Variants in HNRNPC observed in about 807,000 individuals in gnomAD.
HNRNPC encodes heterogeneous nuclear ribonucleoproteins C1/C2.
In HNRNPC, 3 loss-of-function variants were observed where a neutral mutation model predicts 33.2. That is an observed-to-expected ratio of 0.09 (90% confidence interval 0.04 to 0.23). The LOEUF is 0.23. Among genes scored for constraint, HNRNPC ranks in the 10% least tolerant of loss-of-function variants. HNRNPC has a pLI of 1.00. For synonymous variants in HNRNPC, 121 were observed against 126.7 expected (o/e 0.96, Z 0.30); for missense variants, 143 against 366.7 (o/e 0.39, Z 4.98).
chr14:21,249,066 ATGGGG>A (rs1253351466), intron 2 of HNRNPC, among the ~76,000 whole-genome samples: 2 of 152,224 alleles, frequency 1.3e-5, no homozygotes, highest in African/African-American at 4.8e-5. Flanking sequence ...TAAGGATGGG[ATGGGG>A]TTTTGAGTTT....
chr14:21,217,065 C>A (rs1015536128), intron 5 of HNRNPC, among the ~76,000 whole-genome samples: 3 of 152,162 alleles, frequency 2.0e-5, no homozygotes, highest in Admixed American at 6.6e-5. Flanking sequence ...GAGTCAAATT[C>A]TCTACTTTTC....
chr14:21,220,273 T>C (rs920539027), intron 5 of HNRNPC, among the ~76,000 whole-genome samples: 2 of 151,436 alleles, frequency 1.3e-5, no homozygotes, highest in African/African-American at 4.8e-5. Context: ...GTTTTGCTCT[T>C]GTTGTCCAAG....
intron 2 of HNRNPC, among the ~76,000 whole-genome samples, chr14:21,248,334 C>A (rs1485035549): frequency 6.6e-6 from 1 of 152,182 alleles, no homozygotes; most frequent in Non-Finnish European, 1.5e-5. Context: ...TGAGCCCCTG[C>A]AACCAGCCTA....
At chr14:21,213,732 A>T (rs1266093726) in intron 5 of HNRNPC, among the ~76,000 whole-genome samples, 2 of 152,194 alleles carry the variant, frequency 1.3e-5, no homozygotes, top group Non-Finnish European at 2.9e-5. Flanking sequence ...AATACTACTG[A>T]TAAAAAATAC....
At chr14:21,227,785 A>G (rs1211938083) in intron 5 of HNRNPC, among the ~76,000 whole-genome samples, 1 of 152,218 alleles carries the variant, frequency 6.6e-6, no homozygotes. Context: ...ACTATTTTCA[A>G]GAAGACTGTC....
intron 6 of HNRNPC, 120 bp downstream of exon 6, chr14:21,212,840 C>G (rs1594191861): frequency 3.1e-6 from 4 of 1,293,390 alleles, no homozygotes. Context: ...ACCACACACC[C>G]AGCCTCTTCC....
chr14:21,246,426 C>T (rs1465346699), intron 2 of HNRNPC, among the ~76,000 whole-genome samples: 2 of 152,000 alleles, frequency 1.3e-5, no homozygotes, highest in East Asian at 1.9e-4. Context: ...ATTAGCCGGG[C>T]GTGTTGGCGG....
chr14:21,233,817 G>T, intron 3 of HNRNPC, 136 bp downstream of exon 3: 1 of 1,064,834 alleles, frequency 9.4e-7, no homozygotes, highest in Non-Finnish European at 1.4e-6. Context: ...TAAGCCTAAT[G>T]TATTTTTATT....
intron 3 of HNRNPC, 68 bp downstream of exon 3, chr14:21,233,885 G>T: frequency 6.4e-7 from 1 of 1,555,468 alleles, no homozygotes; most frequent in Non-Finnish European, 8.7e-7. Flanking sequence ...CAGACATAAA[G>T]ACAAAAAAAA....
intron 2 of HNRNPC, among the ~76,000 whole-genome samples, chr14:21,257,162 A>C (rs535508760): frequency 6.6e-6 from 1 of 152,332 alleles, no homozygotes; most frequent in South Asian, 2.1e-4. Flanking sequence ...TCATGCAGGT[A>C]AACTGAATTG....
intron 2 of HNRNPC, among the ~76,000 whole-genome samples, chr14:21,245,721 A>G (rs1177669732): frequency 6.6e-6 from 1 of 152,124 alleles, no homozygotes; most frequent in African/African-American, 2.4e-5. Context: ...TACTAACCTT[A>G]TTTAGTTTAC....
At chr14:21,220,006 C>T (rs117324837) in intron 5 of HNRNPC, among the ~76,000 whole-genome samples, 82 of 152,278 alleles carry the variant, frequency 5.4e-4, no homozygotes, top group African/African-American at 7.5e-4. Context: ...TTCATCACTC[C>T]CATTGCCATT....
intron 2 of HNRNPC, among the ~76,000 whole-genome samples, chr14:21,255,731 GA>G (rs1212974762): frequency 6.6e-6 from 1 of 152,202 alleles, no homozygotes; most frequent in Admixed American, 6.5e-5. Flanking sequence ...TTCTTGCCCA[GA>G]GGCAATCAAT....
At position 21,210,129 on chromosome 14, in the gene HNRNPC, A is replaced by C. The variant is rs1276693778; in HGVS notation, c.*1094T>G. 6.6e-6 allele frequency: 1 copy of C among 152,174 alleles called. No homozygotes were observed. Among genetic ancestry groups the C allele is most frequent in the African/African-American group, 2.4e-5 (1 of 41,428 alleles). 9.4% of individuals were successfully genotyped at this position (152,174 alleles called of 1,614,324 possible). A position where few individuals can be genotyped will look rare whatever the true frequency, so the allele number is the denominator to read the frequency against. On this transcript the variant is annotated 3_prime_UTR_variant, in exon 9 of 9. Coordinates refer to ENST00000553300, the MANE Select transcript of HNRNPC (RefSeq NM_004500.4). ...TAACTGGGGCTATAAATAGTAATTA[A>C]AAGAACAAAATAGAAGCAGGGGGGT...
chr14:21,261,201 T>C lies in HNRNPC; in HGVS notation c.-37+2110A>G, dbSNP rs375441523. Among the ~76,000 whole-genome samples the C allele has an allele frequency of 2.3e-4, 35 of 152,262 alleles. 3 individuals are homozygous for C. In the South Asian group the frequency reaches 5.4e-3, roughly 23 times the overall value. ...TCATATATGGACATTATTTCATTCATGTGTCTCCCTCACTAAGCTGCGAAG... is the reference window on the plus strand; with the variant it reads ...TCATATATGGACATTATTTCATTCACGTGTCTCCCTCACTAAGCTGCGAAG... On this transcript the variant is annotated intron_variant, in intron 2 of 8. Coordinates refer to ENST00000553300, the MANE Select transcript of HNRNPC (RefSeq NM_004500.4).
intron 2 of HNRNPC, among the ~76,000 whole-genome samples, chr14:21,245,320 A>G (rs1895850408): frequency 6.6e-6 from 1 of 151,648 alleles, no homozygotes. Flanking sequence ...ACATGGAGAA[A>G]CCGCGTCTCT....
intron 2 of HNRNPC, among the ~76,000 whole-genome samples, chr14:21,237,821 G>T (rs1429713086): frequency 1.3e-5 from 2 of 152,032 alleles, no homozygotes; most frequent in African/African-American, 4.8e-5. Flanking sequence ...GCCAAGGATG[G>T]AGTGCAATGG....
At position 21,213,711 on chromosome 14, in the gene HNRNPC, G is replaced by C. The variant is rs141315949; in HGVS notation, c.366-594C>G. On this transcript the variant is annotated intron_variant, in intron 5 of 8. Coordinates refer to ENST00000553300, the MANE Select transcript of HNRNPC (RefSeq NM_004500.4). Reference sequence around the variant, plus strand: ...TGAGGGAATCATAGCAAAATGTGTTGGCTGGGTATAAATACTACTGATAAA... The same window carrying C: ...TGAGGGAATCATAGCAAAATGTGTTCGCTGGGTATAAATACTACTGATAAA... Among the ~76,000 whole-genome samples the C allele has an allele frequency of 3.7e-4, 56 of 152,244 alleles. 1 individual carries two copies. The East Asian group carries it at 0.01, about 27-fold the overall frequency.
At chr14:21,213,429 AT>A (rs1420514785) in intron 5 of HNRNPC, 1 of 262,964 alleles carries the variant, frequency 3.8e-6, no homozygotes, top group Non-Finnish European at 7.3e-6. Flanking sequence ...TAGTGTCAGT[AT>A]TAACAGGGCA....
Sources: allele counts gnomAD v4.1 joint callset (sites outside exome capture counted in the v4.1 genomes callset), GRCh38; gene constraint gnomAD v4.1.1; transcripts MANE v1.5; gene names NCBI Gene and HGNC (gene_info 2026-07-23, HGNC 2026-07-21).